Variants in TACR3 observed in about 807,000 individuals in gnomAD.
TACR3 encodes the protein neuromedin-K receptor.
A neutral mutation model predicts 35.0 loss-of-function variants in TACR3; 34 were observed. That is an observed-to-expected ratio of 0.97 (90% CI 0.74 to 1.30). The LOEUF is 1.30. Among genes scored for constraint, TACR3 ranks in the 50% most tolerant of loss-of-function variants. The pLI is 0.00. For synonymous variants in TACR3, 233 were observed against 221.1 expected, an observed-to-expected ratio of 1.05 and a Z score of -0.48; for missense variants, 558 against 591.7, an observed-to-expected ratio of 0.94 and a Z score of 0.59.
intron 3 of TACR3, among the ~76,000 whole-genome samples, chr4:103,613,544 G>T (rs562980623): frequency 1.3e-5 from 2 of 151,660 alleles, no homozygotes; most frequent in Non-Finnish European, 2.9e-5. Context: ...GGCCAGGCTG[G>T]TCTTGATCTC....
intron 3 of TACR3, among the ~76,000 whole-genome samples, chr4:103,627,908 C>T (rs1411485621): frequency 6.6e-6 from 1 of 152,154 alleles, no homozygotes; most frequent in African/African-American, 2.4e-5. Context: ...AAGCACTCCT[C>T]AGCAAACGTA....
chr4:103,685,765 A>G (rs1421603384), intron 1 of TACR3, among the ~76,000 whole-genome samples: 1 of 152,204 alleles, frequency 6.6e-6, no homozygotes, highest in Non-Finnish European at 1.5e-5. Context: ...GTCTCTGAAA[A>G]TTAAACAAAG....
chr4:103,678,254 A>T (rs1553910884), intron 1 of TACR3, among the ~76,000 whole-genome samples: 2 of 152,046 alleles, frequency 1.3e-5, no homozygotes, highest in Non-Finnish European at 2.9e-5. Context: ...CACTGTATCA[A>T]TTTTTTTTAT....
chr4:103,592,231 T>C (rs753216139), intron 3 of TACR3, among the ~76,000 whole-genome samples: 3 of 152,220 alleles, frequency 2.0e-5, no homozygotes, highest in East Asian at 1.9e-4. Context: ...TAATCTGATA[T>C]TGGGGAAGAT....
intron 1 of TACR3, among the ~76,000 whole-genome samples, chr4:103,674,315 G>T (rs1726121029): frequency 6.9e-6 from 1 of 144,276 alleles, no homozygotes; most frequent in Non-Finnish European, 1.5e-5. Context: ...ATGTTTTTCT[G>T]TTTTTTTTTT....
intron 3 of TACR3, among the ~76,000 whole-genome samples, chr4:103,648,073 T>A (rs1725498662): frequency 6.6e-6 from 1 of 152,016 alleles, no homozygotes; most frequent in Non-Finnish European, 1.5e-5. Flanking sequence ...ACAAAGGTCT[T>A]CTGCTCGTGA....
intron 2 of TACR3, among the ~76,000 whole-genome samples, chr4:103,657,712 C>T (rs1413664533): frequency 1.3e-5 from 2 of 151,992 alleles, no homozygotes; most frequent in Non-Finnish European, 2.9e-5. Context: ...TATATTATAG[C>T]ATTTGTATTT....
intron 3 of TACR3, among the ~76,000 whole-genome samples, chr4:103,621,646 A>AAAGTT (rs1413076418): frequency 6.6e-6 from 1 of 152,210 alleles, no homozygotes; most frequent in Non-Finnish European, 1.5e-5. Flanking sequence ...AGGAAAGGGA[A>AAAGTT]AAGTTATAGA....
intron 1 of TACR3, among the ~76,000 whole-genome samples, chr4:103,669,178 T>C (rs1195857942): frequency 6.6e-6 from 1 of 152,150 alleles, no homozygotes; most frequent in African/African-American, 2.4e-5. Flanking sequence ...TATTCTATTA[T>C]GTATCTATTA....
At chr4:103,600,821 G>C (rs994323114) in intron 3 of TACR3, among the ~76,000 whole-genome samples, 2 of 152,176 alleles carry the variant, frequency 1.3e-5, no homozygotes, top group African/African-American at 4.8e-5. Context: ...TGTGGTCTGA[G>C]AGACAGTTTG....
chr4:103,686,145 C>G (rs1043112947), intron 1 of TACR3, among the ~76,000 whole-genome samples: 2 of 152,176 alleles, frequency 1.3e-5, no homozygotes, highest in African/African-American at 4.8e-5. Flanking sequence ...CTGTTTGAAT[C>G]CCTGCTGATC....
intron 1 of TACR3, among the ~76,000 whole-genome samples, chr4:103,710,983 A>T (rs1722941081): frequency 6.6e-6 from 1 of 152,202 alleles, no homozygotes; most frequent in Admixed American, 6.5e-5. Context: ...CAGGCTCTGA[A>T]ATTGAGGCAA....
intron 3 of TACR3, among the ~76,000 whole-genome samples, chr4:103,644,995 A>G (rs1227013713): frequency 6.6e-6 from 1 of 151,894 alleles, no homozygotes; most frequent in Non-Finnish European, 1.5e-5. Flanking sequence ...AATCTAAGTC[A>G]TATGGGTAAT....
intron 3 of TACR3, among the ~76,000 whole-genome samples, chr4:103,618,557 A>G (rs1427618496): frequency 2.2e-5 from 2 of 88,976 alleles, no homozygotes; most frequent in Admixed American, 1.2e-4. Context: ...TGCTTTGGTG[A>G]CTTGGGCTTT....
At chr4:103,608,880 T>A (rs547427213) in intron 3 of TACR3, among the ~76,000 whole-genome samples, 2 of 152,120 alleles carry the variant, frequency 1.3e-5, no homozygotes, top group Non-Finnish European at 2.9e-5. Context: ...AGTTTCTTAA[T>A]AACTAGTGCT....
At chr4:103,644,670 A>T (rs1339887923) in intron 3 of TACR3, among the ~76,000 whole-genome samples, 3 of 151,650 alleles carry the variant, frequency 2.0e-5, no homozygotes, top group African/African-American at 7.3e-5. Context: ...CTAGTTCCTG[A>T]CTTTCATTTC....
chr4:103,627,080 G>A lies in TACR3; in HGVS notation c.888+29114C>T, dbSNP rs150629322. Among the ~76,000 whole-genome samples the A allele has an allele frequency of 6.7e-3, 1,006 of 149,308 alleles. 4 individuals are homozygous for A. Among genetic ancestry groups the A allele is most frequent in the Admixed American group, 9.1e-3 (135 of 14,864 alleles). On this transcript the variant is annotated intron_variant, in intron 3 of 4. Transcript: ENST00000304883. ...ACCTGTAGTCCCAGCTCCTTGGGAG[G>A]CTGAGGCAGGAGAATCACTTGAACT... is the stretch of plus-strand genomic sequence containing the variant.
chr4:103,653,020 G>A (rs1725656074), intron 3 of TACR3, among the ~76,000 whole-genome samples: 2 of 151,992 alleles, frequency 1.3e-5, no homozygotes, highest in Non-Finnish European at 2.9e-5. Context: ...ATGCATATTA[G>A]TGCCTAGATA....
chr4:103,614,869 G>T, intron 3 of TACR3, among the ~76,000 whole-genome samples: 1 of 125,736 alleles, frequency 8.0e-6, no homozygotes. Flanking sequence ...TATAACCTAA[G>T]TTGATTATGA....
Sources: allele counts gnomAD v4.1 joint callset (sites outside exome capture counted in the v4.1 genomes callset), GRCh38; gene constraint gnomAD v4.1.1; transcripts MANE v1.5; gene names NCBI Gene and HGNC (gene_info 2026-07-23, HGNC 2026-07-21).